Variants in PRDM10 observed in about 807,000 individuals in gnomAD.
PRDM10 encodes the protein PR domain zinc finger protein 10.
PRDM10 carries 65 observed loss-of-function variants against 133.1 expected under a neutral mutation model. The observed-to-expected ratio is 0.49, with a 90% CI of 0.40 to 0.60. PRDM10 has a LOEUF of 0.60. Among genes scored for constraint, PRDM10 ranks in the 20% least tolerant of loss-of-function variants. The pLI, the probability that PRDM10 is intolerant of heterozygous loss-of-function variation, is 0.00. For missense variants in PRDM10, 1,137 were observed against 1,507.1 expected (o/e 0.75, Z 4.07); for synonymous variants, 582 against 580.4 (o/e 1.00, Z -0.04).
chr11:129,960,768 G>A (rs1951780766), intron 2 of PRDM10, 128 bp downstream of exon 2: 1 of 906,276 alleles, frequency 1.1e-6, no homozygotes, highest in African/African-American at 1.7e-5. Context: ...TATTCCTTGT[G>A]TACGAGTTCT....
Position 129,968,143 on chromosome 11 carries a change from G to A in PRDM10, c.-118-7061C>T, listed in dbSNP as rs73577263. ...ACTTAAAATGTTGTGACACACAGTG[G>A]TTAAGTTCCACAGCACTGTTGGTAC... On this transcript the variant is annotated intron_variant, in intron 1 of 20. Transcript: ENST00000360871. Among the ~76,000 whole-genome samples the A allele has an allele frequency of 3.9e-3, 595 of 152,310 alleles. 2 individuals carry two copies. The highest frequency in any genetic ancestry group is 0.013 in the African/African-American group (555 of 41,554).
In PRDM10 at chr11:129,931,007, C is replaced by T. The variant is rs746471100; in HGVS notation, c.1530+9G>A. On this transcript the variant is annotated intron_variant, in intron 11 of 20. Transcript: ENST00000360871. Reference sequence around the variant, plus strand: ...CTGGTGCCAGGAGCCGCCGGCTTTCCCCACTTACTCGGATGCGCTTGGCTC... The same window carrying T: ...CTGGTGCCAGGAGCCGCCGGCTTTCTCCACTTACTCGGATGCGCTTGGCTC... 6 of 1,591,662 alleles carry T rather than the reference C, an allele frequency of 3.8e-6. No homozygotes were observed. Among genetic ancestry groups the T allele is most frequent in the Admixed American group, 3.5e-5 (2 of 57,750 alleles).
At chr11:129,995,547 T>A (rs1019800421) in intron 1 of PRDM10, among the ~76,000 whole-genome samples, 1 of 152,118 alleles carries the variant, frequency 6.6e-6, no homozygotes, top group Non-Finnish European at 1.5e-5. Flanking sequence ...TCATGGTTTG[T>A]GGAAAGACTG....
At chr11:129,928,953 T>G (rs1950768226) in intron 11 of PRDM10, among the ~76,000 whole-genome samples, 1 of 152,214 alleles carries the variant, frequency 6.6e-6, no homozygotes, top group Admixed American at 6.5e-5. Context: ...TCTCACCTTA[T>G]CCAAGAATTA....
At chr11:129,933,836 T>A (rs1950944652) in intron 9 of PRDM10, among the ~76,000 whole-genome samples, 1 of 152,132 alleles carries the variant, frequency 6.6e-6, no homozygotes, top group Non-Finnish European at 1.5e-5. Context: ...GTGGTCACAT[T>A]CTAGACCCTG....
At chr11:129,956,235 T>C (rs1951694187) in intron 3 of PRDM10, among the ~76,000 whole-genome samples, 1 of 152,190 alleles carries the variant, frequency 6.6e-6, no homozygotes, top group African/African-American at 2.4e-5. Flanking sequence ...TTAATATCTC[T>C]AATCCAGAAA....
chr11:129,938,318 C>G (rs150866026), intron 7 of PRDM10, among the ~76,000 whole-genome samples: 1 of 152,172 alleles, frequency 6.6e-6, no homozygotes, highest in Non-Finnish European at 1.5e-5. Flanking sequence ...TTAGATGTCT[C>G]ACAAACAGAT....
intron 11 of PRDM10, among the ~76,000 whole-genome samples, chr11:129,926,976 C>A (rs908915249): frequency 6.6e-6 from 1 of 152,066 alleles, no homozygotes; most frequent in African/African-American, 2.4e-5. Context: ...GAGGCTGAGG[C>A]GGACAGATCA....
chr11:129,914,603 C>G, intron 17 of PRDM10, 101 bp downstream of exon 17: 1 of 1,505,850 alleles, frequency 6.6e-7, no homozygotes. Flanking sequence ...AGAACTTCCA[C>G]GCAGAAGGAC....
intron 1 of PRDM10, among the ~76,000 whole-genome samples, chr11:129,965,727 A>C (rs111855275): frequency 0.013 from 1,948 of 149,274 alleles, 25 homozygotes; most frequent in Non-Finnish European, 0.018. Flanking sequence ...GTCCTTAAGA[A>C]ACATGTTTAT....
chr11:129,979,067 A>G (rs1412050139), intron 1 of PRDM10, among the ~76,000 whole-genome samples: 1 of 152,192 alleles, frequency 6.6e-6, no homozygotes, highest in Non-Finnish European at 1.5e-5. Context: ...ATTCAGTGCG[A>G]GTTCTAAAGA....
intron 1 of PRDM10, among the ~76,000 whole-genome samples, chr11:129,997,687 T>C (rs1219249840): frequency 6.6e-6 from 1 of 152,238 alleles, no homozygotes; most frequent in African/African-American, 2.4e-5. Context: ...AGACCAAGTT[T>C]GGGAAAATTT....
At chr11:129,967,398 A>C (rs1436690864) in intron 1 of PRDM10, among the ~76,000 whole-genome samples, 1 of 152,162 alleles carries the variant, frequency 6.6e-6, no homozygotes, top group Non-Finnish European at 1.5e-5. Flanking sequence ...CTCAAAAAAC[A>C]AAAAAATAAA....
chr11:129,929,833 A>G lies in PRDM10; in HGVS notation c.1530+1183T>C, dbSNP rs576313840. Among the ~76,000 whole-genome samples the G allele has an allele frequency of 1.1e-4, 17 of 151,982 alleles. No individual in the cohort carries two copies. In the South Asian group the frequency reaches 3.1e-3, roughly 28 times the overall value. ...TCAGAATGGCCAAAGCAGAAAATAT[A>G]GTAATTGAGCAAGAGAAAGAAGTGC... On this transcript the variant is annotated intron_variant, in intron 11 of 20. Coordinates refer to ENST00000360871, the MANE Select transcript of PRDM10 (RefSeq NM_199437.2).
chr11:129,957,806 G>A lies in PRDM10; in HGVS notation c.174C>T (p.Tyr58=). The change falls in exon 3 of 21, where the codon TAC becomes TAT. Residue 58 remains tyrosine, a synonymous_variant. Transcript: ENST00000360871. ...QVVYTADGAS[Y]TSVDGPEHTL... ...TGTGCTCTGGACCATCCACTGATGT[G>A]TAGGAGGCACCATCTGCCGTGTACA... 6.2e-7 allele frequency: 1 copy of A among 1,614,242 alleles called. No individual in the cohort carries two copies. The highest frequency in any genetic ancestry group is 8.5e-7 in the Non-Finnish European group (1 of 1,180,034).
At position 129,959,726 on chromosome 11, in the gene PRDM10, T is replaced by C. The variant is rs967392843; in HGVS notation, c.69+1170A>G. 5.9e-5 allele frequency among the ~76,000 whole-genome samples: 9 copies of C among 152,304 alleles called. 1 individual carries two copies. The East Asian group carries it at 1.2e-3, about 20-fold the overall frequency. On this transcript the variant is annotated intron_variant, in intron 2 of 20. Transcript: ENST00000360871. ...CAGGAGAAACAAAACAGAATTCTCA[T>C]ATACTCTGCTGAAACATCAGTGGAA...
chr11:129,933,736 G>A (rs1950941015), intron 9 of PRDM10, among the ~76,000 whole-genome samples: 1 of 152,100 alleles, frequency 6.6e-6, no homozygotes, highest in Non-Finnish European at 1.5e-5. Flanking sequence ...TATAAAAAAT[G>A]CTACAATAGA....
At chr11:129,985,044 G>A (rs1470661958) in intron 1 of PRDM10, among the ~76,000 whole-genome samples, 1 of 152,162 alleles carries the variant, frequency 6.6e-6, no homozygotes, top group Admixed American at 6.5e-5. Flanking sequence ...CCTGCTGGAA[G>A]GCCGCTGCAG....
chr11:129,964,539 A>G (rs1298460660), intron 1 of PRDM10, among the ~76,000 whole-genome samples: 1 of 152,192 alleles, frequency 6.6e-6, no homozygotes, highest in Non-Finnish European at 1.5e-5. Context: ...AAATAGATGC[A>G]CACTACTGAT....
Sources: allele counts gnomAD v4.1 joint callset (sites outside exome capture counted in the v4.1 genomes callset), GRCh38; gene constraint gnomAD v4.1.1; transcripts MANE v1.5; gene names NCBI Gene and HGNC (gene_info 2026-07-23, HGNC 2026-07-21).